Variants in LAMA1 observed in about 807,000 individuals in gnomAD.
LAMA1 encodes laminin subunit alpha-1.
LAMA1 carries 219 observed loss-of-function variants against 348.7 expected under a neutral mutation model. That is an observed-to-expected ratio of 0.63 (90% CI 0.56 to 0.70). The LOEUF (loss-of-function observed/expected upper bound fraction) is 0.70. LAMA1 is among the 30% of genes least tolerant of loss of function. The pLI is 0.00. For missense variants in LAMA1, 3,744 were observed against 3,888.0 expected, an observed-to-expected ratio of 0.96 and a Z score of 0.99; for synonymous variants, 1,487 against 1,491.0, an observed-to-expected ratio of 1.00 and a Z score of 0.06.
rs569378076 is a variant in LAMA1, at chr18:7,027,525, GACATGAGAAACAACAACA to G, written c.2275-1437_2275-1420del. 2.1e-4 allele frequency among the ~76,000 whole-genome samples: 31 copies of G among 147,414 alleles called. No individual in the cohort carries two copies. In the South Asian group the frequency reaches 6.6e-3, roughly 31 times the overall value. On this transcript the variant is annotated intron_variant, in intron 16 of 62. Coordinates refer to ENST00000389658, the MANE Select transcript of LAMA1 (RefSeq NM_005559.4). Reference sequence around the variant, plus strand: ...TTTTTATGGGGAATGAAAATAACTAGACATGAGAAACAACAACAACAACAAAAAAAAGCGATCCACAAT... The same window carrying G: ...TTTTTATGGGGAATGAAAATAACTAGACAACAAAAAAAAGCGATCCACAAT...
chr18:7,045,684 G>T lies in LAMA1; in HGVS notation c.858+594C>A, dbSNP rs545406. Among the ~76,000 whole-genome samples the T allele has an allele frequency of 4.8e-3, 735 of 151,954 alleles. 5 individuals are homozygous for T. The highest frequency in any genetic ancestry group is 0.017 in the African/African-American group (711 of 41,436). On this transcript the variant is annotated intron_variant, in intron 6 of 62. Coordinates refer to ENST00000389658, the MANE Select transcript of LAMA1 (RefSeq NM_005559.4). ...AGCCATTCTCCTGCCTCAACCTCTC[G>T]AGTAGCTGGGACTATAGGTGCATAC...
At chr18:7,017,234 C>T (rs1342922861) in intron 20 of LAMA1, 44 bp downstream of exon 20, 1 of 1,482,578 alleles carries the variant, frequency 6.7e-7, no homozygotes, top group Non-Finnish European at 9.4e-7. Flanking sequence ...ATTCAATCGC[C>T]TCTGTACCAA....
chr18:7,014,695 C>T (rs1481509754), intron 22 of LAMA1, among the ~76,000 whole-genome samples: 1 of 151,548 alleles, frequency 6.6e-6, no homozygotes, highest in Non-Finnish European at 1.5e-5. Flanking sequence ...AAACTATACC[C>T]AAATTTAACT....
intron 30 of LAMA1, among the ~76,000 whole-genome samples, chr18:7,001,413 T>C (rs893729456): frequency 3.3e-5 from 5 of 152,180 alleles, no homozygotes; most frequent in Admixed American, 6.5e-5. Flanking sequence ...AGAAGTGGAA[T>C]TGACAAGTCA....
intron 1 of LAMA1, among the ~76,000 whole-genome samples, chr18:7,099,495 A>C (rs537780540): frequency 2.2e-4 from 33 of 151,854 alleles, no homozygotes; most frequent in East Asian, 3.9e-4. Context: ...AAAAAACAAA[A>C]AAAAAAATGA....
At chr18:7,030,829 C>T (rs1426717184) in intron 16 of LAMA1, among the ~76,000 whole-genome samples, 1 of 141,908 alleles carries the variant, frequency 7.0e-6, no homozygotes, top group Non-Finnish European at 1.5e-5. Context: ...GCCTGCTGTA[C>T]CCCCCACCCC....
rs539235719 is a variant in LAMA1 at position 7,011,275 on chromosome 18, G to A, written c.3687+25C>T. 3.1e-6 allele frequency: 5 copies of A among 1,608,598 alleles called. No homozygotes were observed. The African/African-American group carries it at 6.7e-5, about 21-fold the overall frequency. ...TGTATATCCTAGGAAGCACCGACTG[G>A]CTCTCGGCTGGGCGTGCACCTCACC... On this transcript the variant is annotated intron_variant, in intron 25 of 62. Transcript: ENST00000389658.
chr18:6,998,455 C>A (rs188774464), intron 32 of LAMA1, among the ~76,000 whole-genome samples: 1 of 152,270 alleles, frequency 6.6e-6, no homozygotes, highest in Admixed American at 6.5e-5. Context: ...TTAACTAGGA[C>A]CCACTGCACT....
intron 1 of LAMA1, among the ~76,000 whole-genome samples, chr18:7,109,642 G>A (rs931557188): frequency 6.6e-6 from 1 of 152,144 alleles, no homozygotes; most frequent in Non-Finnish European, 1.5e-5. Flanking sequence ...TCACACAGCT[G>A]CAAGTCAATA....
At chr18:6,964,443 C>T (rs920973166) in intron 51 of LAMA1, among the ~76,000 whole-genome samples, 4 of 152,142 alleles carry the variant, frequency 2.6e-5, no homozygotes, top group African/African-American at 4.8e-5. Context: ...ATCCCTGAGG[C>T]GACCAGAAGC....
intron 3 of LAMA1, among the ~76,000 whole-genome samples, chr18:7,055,408 G>A (rs1018995958): frequency 1.5e-5 from 2 of 136,952 alleles, no homozygotes; most frequent in Non-Finnish European, 3.0e-5. Flanking sequence ...AGCCAAGATC[G>A]CACCACTGCA....
chr18:7,108,640 C>CAAAA (rs58802341), intron 1 of LAMA1, among the ~76,000 whole-genome samples: 5,000 of 40,140 alleles, frequency 0.12, 1,187 homozygotes, highest in East Asian at 0.46. Context: ...GACTCTGTCT[C>CAAAA]AAAAAAAAAA....
intron 32 of LAMA1, 136 bp downstream of exon 32, chr18:6,999,309 T>C: frequency 1.1e-6 from 1 of 901,874 alleles, no homozygotes; most frequent in Middle Eastern, 2.5e-4. Flanking sequence ...CAGTGATCTA[T>C]GCTTAGAAAA....
intron 3 of LAMA1, among the ~76,000 whole-genome samples, chr18:7,059,436 A>T (rs1338743266): frequency 5.9e-5 from 9 of 152,182 alleles, no homozygotes; most frequent in African/African-American, 1.7e-4. Context: ...TGATCACTGG[A>T]ATGCACATAA....
At chr18:7,027,341 T>TA (rs1568037062) in intron 16 of LAMA1, among the ~76,000 whole-genome samples, 1 of 118,034 alleles carries the variant, frequency 8.5e-6, no homozygotes, top group Non-Finnish European at 2.0e-5. Flanking sequence ...AAACATACTA[T>TA]AATTAGATAG....
chr18:6,979,381 AAGG>A (rs1481798454), intron 42 of LAMA1, among the ~76,000 whole-genome samples: 2 of 152,052 alleles, frequency 1.3e-5, no homozygotes, highest in Non-Finnish European at 2.9e-5. Context: ...TTAAGAAAAA[AAGG>A]AGGACAGGCA....
rs772953045 is a variant in LAMA1 at position 7,036,097 on chromosome 18, T to G, written c.1738-9A>C. On this transcript the variant is annotated splice_polypyrimidine_tract_variant and intron_variant, in intron 12 of 62. Transcript: ENST00000389658. Reference sequence around the variant, plus strand: ...CCGCCAAACGCAGTCAGCTGAAATGTTTAAGCGAGAATGAACACGAAAGGG... The same window carrying G: ...CCGCCAAACGCAGTCAGCTGAAATGGTTAAGCGAGAATGAACACGAAAGGG... The G allele has an allele frequency of 2.5e-6, 4 of 1,601,504 alleles. No individual in the cohort carries two copies. In the South Asian group the frequency reaches 4.4e-5, roughly 18 times the overall value.
chr18:7,002,356 AT>A lies in LAMA1; in HGVS notation c.4289del (p.His1430LeufsTer13). 1 of 1,613,746 alleles carries A rather than the reference AT, an allele frequency of 6.2e-7. No homozygotes were observed. Among genetic ancestry groups the A allele is most frequent in the Non-Finnish European group, 8.5e-7 (1 of 1,179,992 alleles). On this transcript the variant is annotated frameshift_variant, in exon 30 of 63. Coordinates refer to ENST00000389658, the MANE Select transcript of LAMA1 (RefSeq NM_005559.4). LOFTEE classifies it high-confidence loss of function. ...AGTAGCCAGAAGTACACACATCACA[AT>A]GGTCACCTGCTGTGTTATCGCCACA... ...LNCGDNTAGD[H>X]CDVCTSGYYG...
chr18:7,107,188 G>C (rs1384044359), intron 1 of LAMA1, among the ~76,000 whole-genome samples: 4 of 144,774 alleles, frequency 2.8e-5, no homozygotes. Context: ...GCGTGATCCT[G>C]GCTCACTGCA....
Sources: gnomAD v4.1 joint callset for allele counts (sites outside exome capture counted in the v4.1 genomes callset) on GRCh38, gnomAD v4.1.1 for gene constraint, MANE v1.5 for transcripts, NCBI Gene and HGNC (gene_info 2026-07-23, HGNC 2026-07-21) for gene names.